The following SLC25A13 variants were observed in gnomAD, a reference collection of about 807,000 sequenced individuals.
The protein encoded by SLC25A13 is solute carrier family 25 member 13, also known as electrogenic aspartate/glutamate antiporter SLC25A13, mitochondrial.
SLC25A13 carries 70 observed loss-of-function variants against 85.5 expected under a neutral mutation model. The ratio of observed to expected loss-of-function variants is 0.82; its 90% CI spans 0.68 to 1.00. SLC25A13 has a LOEUF of 1.00. Among genes scored for constraint, SLC25A13 ranks in the 50% least tolerant of loss-of-function variants. The pLI is 0.00. For synonymous variants in SLC25A13, 259 were observed against 288.7 expected, an observed-to-expected ratio of 0.90 and a Z score of 1.04; for missense variants, 765 against 819.8, an observed-to-expected ratio of 0.93 and a Z score of 0.82.
At chr7:96,169,092 T>C (rs1793892508) in intron 13 of SLC25A13, among the ~76,000 whole-genome samples, 1 of 152,158 alleles carries the variant, frequency 6.6e-6, no homozygotes, top group African/African-American at 2.4e-5. Flanking sequence ...CCAAATTCCA[T>C]CCATCTCTAA....
At chr7:96,271,634 G>A (rs1052656340) in intron 3 of SLC25A13, among the ~76,000 whole-genome samples, 1 of 152,086 alleles carries the variant, frequency 6.6e-6, no homozygotes, top group Non-Finnish European at 1.5e-5. Flanking sequence ...TTATCTCATC[G>A]ATAAAACCAA....
At chr7:96,250,986 C>A (rs951482914) in intron 3 of SLC25A13, among the ~76,000 whole-genome samples, 1 of 151,874 alleles carries the variant, frequency 6.6e-6, no homozygotes, top group African/African-American at 2.4e-5. Flanking sequence ...CAGCAGTGAA[C>A]TAAACAGACA....
intron 3 of SLC25A13, among the ~76,000 whole-genome samples, chr7:96,262,489 A>T (rs1222928165): frequency 6.7e-6 from 1 of 149,646 alleles, no homozygotes; most frequent in African/African-American, 2.5e-5. Flanking sequence ...AACAGTAAAA[A>T]GGGAAAAGTG....
chr7:96,174,307 A>G (rs896882043), intron 11 of SLC25A13, among the ~76,000 whole-genome samples: 3 of 152,230 alleles, frequency 2.0e-5, no homozygotes, highest in African/African-American at 7.2e-5. Flanking sequence ...CTGAGGCAGC[A>G]TATGAGAAAA....
chr7:96,266,956 C>A (rs1798061344), intron 3 of SLC25A13, among the ~76,000 whole-genome samples: 1 of 152,174 alleles, frequency 6.6e-6, no homozygotes. Context: ...TGATTATTAT[C>A]AAGGTTTCTT....
Position 96,299,784 on chromosome 7 carries a change from A to T in SLC25A13, c.16-2833T>A, listed in dbSNP as rs1343144729. 8.5e-5 allele frequency among the ~76,000 whole-genome samples: 13 copies of T among 152,380 alleles called. No homozygotes were observed. In the East Asian group the frequency reaches 2.5e-3, roughly 29 times the overall value. On this transcript the variant is annotated intron_variant, in intron 1 of 17. Transcript: ENST00000265631. ...GTACTTATACAAACCTAGATGGTGT[A>T]GCCTACTACATACCTAGGCAAATGA...
intron 5 of SLC25A13, among the ~76,000 whole-genome samples, chr7:96,197,330 T>TAC (rs1795100828): frequency 6.6e-6 from 1 of 152,218 alleles, no homozygotes; most frequent in Non-Finnish European, 1.5e-5. Flanking sequence ...AGGGCTTCTG[T>TAC]ACACCCAGAG....
chr7:96,193,215 A>G (rs941398360), intron 5 of SLC25A13, 32 bp from the exon 6 acceptor site: 2 of 1,610,556 alleles, frequency 1.2e-6, no homozygotes, highest in Admixed American at 1.7e-5. Context: ...TACTTAATTT[A>G]TGCTTCTCAT....
At chr7:96,194,385 G>A (rs1314947902) in intron 5 of SLC25A13, among the ~76,000 whole-genome samples, 1 of 134,470 alleles carries the variant, frequency 7.4e-6, no homozygotes, top group African/African-American at 2.7e-5. Context: ...GGAGGTTGCA[G>A]TGAGCTGAGA....
chr7:96,149,647 G>A (rs1792947193), intron 13 of SLC25A13, among the ~76,000 whole-genome samples: 1 of 152,196 alleles, frequency 6.6e-6, no homozygotes, highest in Admixed American at 6.5e-5. Flanking sequence ...GTGGCACATT[G>A]TAAAGGTGCT....
chr7:96,222,105 C>A (rs926639744), intron 4 of SLC25A13, among the ~76,000 whole-genome samples: 1 of 152,190 alleles, frequency 6.6e-6, no homozygotes, highest in Non-Finnish European at 1.5e-5. Context: ...ATTAAAAGTT[C>A]CAGGCTTTAT....
In SLC25A13 at chr7:96,120,670, A is replaced by C. The variant is rs1181165922; in HGVS notation, c.*521T>G. 6 of 454,430 alleles carry C rather than the reference A, an allele frequency of 1.3e-5. No homozygotes were observed. Among genetic ancestry groups the C allele is most frequent in the South Asian group, 9.3e-5 (6 of 64,446 alleles). 28.1% of individuals were successfully genotyped at this position (454,430 alleles called of 1,614,324 possible). The stretch of plus-strand genomic sequence containing the variant: ...AACATGTTTCACATAAAAGCTTCAT[A>C]ATATAATCCAGAGACAGAATTTGTG... On this transcript the variant is annotated 3_prime_UTR_variant, in exon 18 of 18. Coordinates refer to ENST00000265631, the MANE Select transcript of SLC25A13 (RefSeq NM_014251.3).
At chr7:96,285,203 CT>C (rs1449798034) in intron 2 of SLC25A13, among the ~76,000 whole-genome samples, 1 of 152,144 alleles carries the variant, frequency 6.6e-6, no homozygotes, top group Non-Finnish European at 1.5e-5. Flanking sequence ...ATCAAATATT[CT>C]TTCAAAGTGA....
At chr7:96,229,871 C>T (rs1796469999) in intron 4 of SLC25A13, among the ~76,000 whole-genome samples, 2 of 152,300 alleles carry the variant, frequency 1.3e-5, no homozygotes, top group South Asian at 4.1e-4. Context: ...CCACGAGGGT[C>T]CGCAGCTTCA....
intron 2 of SLC25A13, among the ~76,000 whole-genome samples, chr7:96,278,287 G>T (rs1798536091): frequency 1.3e-5 from 2 of 152,190 alleles, no homozygotes; most frequent in African/African-American, 4.8e-5. Context: ...AACAAGCCTA[G>T]CTGGGTGATA....
rs576317908 is a variant in SLC25A13 at position 96,198,768 on chromosome 7, A to G, written c.469-5585T>C. 1.9e-3 allele frequency among the ~76,000 whole-genome samples: 289 copies of G among 149,416 alleles called. 2 individuals carry two copies. The highest frequency in any genetic ancestry group is 3.1e-3 in the Non-Finnish European group (208 of 67,996). On this transcript the variant is annotated intron_variant, in intron 5 of 17. Coordinates refer to ENST00000265631, the MANE Select transcript of SLC25A13 (RefSeq NM_014251.3). ...GAAAAGAGACTTTAAGAAAATTTTGATGATGATTTGAATATATAAATGAAG... is the reference window on the plus strand; with the variant it reads ...GAAAAGAGACTTTAAGAAAATTTTGGTGATGATTTGAATATATAAATGAAG...
rs747592860 is a variant in SLC25A13, at chr7:96,277,215, C to T, written c.193G>A (p.Val65Met). 3.6e-5 allele frequency: 58 copies of T among 1,600,284 alleles called. 1 individual carries two copies. Among genetic ancestry groups the T allele is most frequent in the South Asian group, 1.7e-4 (15 of 89,318 alleles). ...ACATACCCATCTTTGGTCTGATCCA[C>T]CACTCCACTTAAAAGTTCCACAGTC... ...PKTVELLSGV[V>M]DQTKDGLISF... is the part of the protein sequence containing the mutation. Residue 65 changes from valine (V) to methionine (M), a missense_variant, in exon 3 of 18, where the codon GTG becomes ATG. Val to Met is a conservative substitution (Grantham distance 21). Coordinates refer to ENST00000265631, the MANE Select transcript of SLC25A13 (RefSeq NM_014251.3).
intron 8 of SLC25A13, 44 bp downstream of exon 8, chr7:96,189,537 T>G: frequency 6.3e-7 from 1 of 1,583,816 alleles, no homozygotes. Flanking sequence ...TAACCTCCTT[T>G]TATTAAGCTA....
intron 3 of SLC25A13, among the ~76,000 whole-genome samples, chr7:96,254,654 A>G (rs1156690008): frequency 2.0e-5 from 3 of 152,206 alleles, no homozygotes; most frequent in Non-Finnish European, 2.9e-5. Flanking sequence ...ACATATATAC[A>G]CACACATACA....
Sources: allele counts gnomAD v4.1 joint callset (sites outside exome capture counted in the v4.1 genomes callset), GRCh38; gene constraint gnomAD v4.1.1; transcripts MANE v1.5; gene names NCBI Gene and HGNC (gene_info 2026-07-23, HGNC 2026-07-21).